The following SEMA5A variants were observed in gnomAD, a reference collection of about 807,000 sequenced individuals.
SEMA5A encodes semaphorin 5A, also known as semaphorin-5A.
SEMA5A carries 55 observed loss-of-function variants against 135.5 expected under a neutral mutation model. The ratio of observed to expected loss-of-function variants is 0.41; its 90% CI spans 0.33 to 0.51. The LOEUF is 0.51. SEMA5A is among the 20% of genes least tolerant of loss of function. The probability of loss-of-function intolerance (pLI) is 0.37; values close to 1 mark genes in which losing one functional copy is unlikely to be tolerated. For synonymous variants in SEMA5A, 580 were observed against 546.5 expected, an observed-to-expected ratio of 1.06 and a Z score of -0.85; for missense variants, 1,290 against 1,419.9, an observed-to-expected ratio of 0.91 and a Z score of 1.47.
intron 2 of SEMA5A, among the ~76,000 whole-genome samples, chr5:9,428,194 C>T (rs1194456716): frequency 1.3e-5 from 2 of 149,496 alleles, no homozygotes; most frequent in Non-Finnish European, 3.0e-5. Flanking sequence ...CCAATTGACC[C>T]AGAATTGTGG....
chr5:9,299,083 T>C (rs939551224), intron 5 of SEMA5A, among the ~76,000 whole-genome samples: 3 of 150,636 alleles, frequency 2.0e-5, no homozygotes, highest in African/African-American at 4.9e-5. Context: ...GCATCCTCAG[T>C]ATTAATTAAA....
intron 16 of SEMA5A, among the ~76,000 whole-genome samples, chr5:9,070,581 T>G (rs770623449): frequency 3.3e-5 from 5 of 152,184 alleles, no homozygotes; most frequent in African/African-American, 1.2e-4. Context: ...ATTTTTGAAA[T>G]GTATGAGGGG....
intron 16 of SEMA5A, among the ~76,000 whole-genome samples, chr5:9,089,474 T>G (rs1463576876): frequency 3.3e-5 from 5 of 151,238 alleles, no homozygotes; most frequent in South Asian, 4.3e-4. Context: ...CATGGCACCT[T>G]TCACCAAAGA....
chr5:9,162,585 T>TATATATACAC (rs370982773), intron 11 of SEMA5A, among the ~76,000 whole-genome samples: 131 of 112,048 alleles, frequency 1.2e-3, no homozygotes, highest in East Asian at 2.8e-3. Flanking sequence ...TATATATATA[T>TATATATACAC]ACACACACAC....
chr5:9,138,608 T>G (rs1178564099), intron 12 of SEMA5A, among the ~76,000 whole-genome samples: 1 of 152,204 alleles, frequency 6.6e-6, no homozygotes, highest in Non-Finnish European at 1.5e-5. Flanking sequence ...TATTTTCAAT[T>G]TTTTATTTCC....
At position 9,347,834 on chromosome 5, in the gene SEMA5A, A is replaced by G. The variant is rs189808891; in HGVS notation, c.125-10022T>C. Among the ~76,000 whole-genome samples, 57 of 152,320 alleles carry G rather than the reference A, an allele frequency of 3.7e-4. No individual in the cohort carries two copies. The East Asian group carries it at 9.5e-3, about 25-fold the overall frequency. ...ACAAGATAATACTGAACAACTAAAC[A>G]TATTTTTCCTTGGTATTTTGAGAGA... On this transcript the variant is annotated intron_variant, in intron 3 of 22. Transcript: ENST00000382496.
intron 1 of SEMA5A, among the ~76,000 whole-genome samples, chr5:9,474,828 C>A (rs1352774838): frequency 1.3e-5 from 2 of 152,232 alleles, no homozygotes; most frequent in South Asian, 4.1e-4. Context: ...AGCCAACCCT[C>A]AAGGGACATT....
chr5:9,518,603 A>T (rs1327102581), intron 1 of SEMA5A, among the ~76,000 whole-genome samples: 1 of 152,164 alleles, frequency 6.6e-6, no homozygotes, highest in Non-Finnish European at 1.5e-5. Flanking sequence ...ACTGCCCAGA[A>T]ATTTCCATCC....
At chr5:9,082,705 T>C (rs982418451) in intron 16 of SEMA5A, among the ~76,000 whole-genome samples, 1 of 152,232 alleles carries the variant, frequency 6.6e-6, no homozygotes, top group African/African-American at 2.4e-5. Flanking sequence ...CTGTTCTATA[T>C]GGCATCTTTA....
At chr5:9,423,546 C>T (rs1757543131) in intron 2 of SEMA5A, among the ~76,000 whole-genome samples, 1 of 152,200 alleles carries the variant, frequency 6.6e-6, no homozygotes, top group Non-Finnish European at 1.5e-5. Flanking sequence ...ATGGCCAGTG[C>T]CAAATCTTGT....
chr5:9,497,759 A>G (rs544286855), intron 1 of SEMA5A, among the ~76,000 whole-genome samples: 2 of 152,372 alleles, frequency 1.3e-5, no homozygotes, highest in East Asian at 3.9e-4. Context: ...ACAGTGGCTC[A>G]GCCATGAAGC....
chr5:9,166,606 G>A (rs1743622351), intron 11 of SEMA5A, among the ~76,000 whole-genome samples: 1 of 152,190 alleles, frequency 6.6e-6, no homozygotes, highest in Non-Finnish European at 1.5e-5. Context: ...ATGCCAGGAG[G>A]AGAAATGACA....
At position 9,055,929 on chromosome 5, in the gene SEMA5A, C is replaced by A. The variant is rs571477581; in HGVS notation, c.2519-1672G>T. ...ATATCTATTCTCACTGAAGGAAGCA[C>A]TTGCTGACAGTTTTTTTCTGTTTGT... On this transcript the variant is annotated intron_variant, in intron 18 of 22. Coordinates refer to ENST00000382496, the MANE Select transcript of SEMA5A (RefSeq NM_003966.3). Among the ~76,000 whole-genome samples, 3 of 151,704 alleles carry A rather than the reference C, an allele frequency of 2.0e-5. No individual in the cohort carries two copies. In the South Asian group the frequency reaches 6.2e-4, roughly 32 times the overall value.
At chr5:9,515,161 A>T (rs868691745) in intron 1 of SEMA5A, among the ~76,000 whole-genome samples, 29 of 152,328 alleles carry the variant, frequency 1.9e-4, no homozygotes, top group African/African-American at 6.5e-4. Flanking sequence ...AGAGTATTGG[A>T]CATTTACCCT....
intron 2 of SEMA5A, among the ~76,000 whole-genome samples, chr5:9,397,254 G>A (rs1756447503): frequency 2.0e-5 from 3 of 152,170 alleles, no homozygotes; most frequent in African/African-American, 7.2e-5. Context: ...GTGCTCATGT[G>A]AATGCACACA....
intron 8 of SEMA5A, among the ~76,000 whole-genome samples, chr5:9,213,671 T>A (rs1201128013): frequency 6.6e-6 from 1 of 152,182 alleles, no homozygotes; most frequent in Non-Finnish European, 1.5e-5. Context: ...CACTCATGCA[T>A]CCATAGACTG....
At chr5:9,139,427 G>A (rs1329813180) in intron 12 of SEMA5A, among the ~76,000 whole-genome samples, 1 of 152,142 alleles carries the variant, frequency 6.6e-6, no homozygotes, top group Non-Finnish European at 1.5e-5. Flanking sequence ...CACCCAAAGG[G>A]TGAGTCTTTC....
At chr5:9,450,540 C>T (rs1758603382) in intron 1 of SEMA5A, among the ~76,000 whole-genome samples, 1 of 152,050 alleles carries the variant, frequency 6.6e-6, no homozygotes, top group African/African-American at 2.4e-5. Flanking sequence ...GCTCCTTCAC[C>T]CATCCAATGA....
At chr5:9,330,451 T>A (rs1753083166) in intron 4 of SEMA5A, among the ~76,000 whole-genome samples, 1 of 151,668 alleles carries the variant, frequency 6.6e-6, no homozygotes, top group Non-Finnish European at 1.5e-5. Context: ...TTGTTTTGTT[T>A]TGTTTTTTTA....
Sources: gnomAD v4.1 joint callset for allele counts (sites outside exome capture counted in the v4.1 genomes callset) on GRCh38, gnomAD v4.1.1 for gene constraint, MANE v1.5 for transcripts, NCBI Gene and HGNC (gene_info 2026-07-23, HGNC 2026-07-21) for gene names.